The following CNTN5 variants were observed in gnomAD, a reference collection of about 807,000 sequenced individuals.
CNTN5 encodes the protein contactin 5, also known as contactin-5.
CNTN5 carries 77 observed loss-of-function variants against 129.1 expected under a neutral mutation model. That is an observed-to-expected ratio of 0.60 (90% CI 0.50 to 0.72). CNTN5 has a LOEUF of 0.72. Ranked by LOEUF, CNTN5 falls within the 30% of genes least tolerant of loss-of-function variation. CNTN5 has a pLI of 0.00. For missense variants in CNTN5, 1,478 were observed against 1,328.8 expected, an observed-to-expected ratio of 1.11 and a Z score of -1.75; for synonymous variants, 509 against 465.6, an observed-to-expected ratio of 1.09 and a Z score of -1.20.
At chr11:99,894,486 T>A (rs890602396) in intron 6 of CNTN5, among the ~76,000 whole-genome samples, 1 of 123,538 alleles carries the variant, frequency 8.1e-6, no homozygotes, top group African/African-American at 3.1e-5. Context: ...AAAAAAAAAT[T>A]CCCAGTATAT....
intron 9 of CNTN5, among the ~76,000 whole-genome samples, chr11:100,017,461 T>C (rs1940889173): frequency 6.6e-6 from 1 of 151,996 alleles, no homozygotes; most frequent in Non-Finnish European, 1.5e-5. Flanking sequence ...TAGTGGTGTG[T>C]CTTAAAGTAG....
chr11:99,967,413 A>G (rs1250991222), intron 8 of CNTN5, among the ~76,000 whole-genome samples: 2 of 152,154 alleles, frequency 1.3e-5, no homozygotes, highest in South Asian at 4.1e-4. Context: ...GGTGAAGCAA[A>G]CGTAACTATC....
chr11:100,160,570 T>C (rs981756373), intron 13 of CNTN5, among the ~76,000 whole-genome samples: 2 of 151,914 alleles, frequency 1.3e-5, no homozygotes, highest in African/African-American at 2.4e-5. Flanking sequence ...ACAGAGATAC[T>C]AAATTTAGGA....
intron 3 of CNTN5, among the ~76,000 whole-genome samples, chr11:99,682,278 A>C (rs2134722363): frequency 6.6e-6 from 1 of 151,974 alleles, no homozygotes; most frequent in East Asian, 1.9e-4. Flanking sequence ...CTGGCAAAAT[A>C]AAGTATTCAA....
chr11:99,785,382 T>C (rs1945482062), intron 3 of CNTN5, among the ~76,000 whole-genome samples: 4 of 152,184 alleles, frequency 2.6e-5, no homozygotes. Context: ...TTTCTTTTGC[T>C]GTGCAGAAGC....
At chr11:100,046,656 A>T (rs1239815932) in intron 9 of CNTN5, among the ~76,000 whole-genome samples, 3 of 152,156 alleles carry the variant, frequency 2.0e-5, no homozygotes, top group Non-Finnish European at 4.4e-5. Flanking sequence ...TGTATTCATT[A>T]TTCTATTATC....
intron 3 of CNTN5, among the ~76,000 whole-genome samples, chr11:99,582,414 A>C (rs964977114): frequency 6.6e-6 from 1 of 152,198 alleles, no homozygotes; most frequent in Admixed American, 6.5e-5. Context: ...AATATCCTGC[A>C]GAGTGTTTTC....
At chr11:100,001,461 T>G (rs565168448) in intron 8 of CNTN5, among the ~76,000 whole-genome samples, 5 of 152,196 alleles carry the variant, frequency 3.3e-5, no homozygotes, top group Non-Finnish European at 4.4e-5. Context: ...ACTTAATACC[T>G]CATTCATGGC....
intron 1 of CNTN5, among the ~76,000 whole-genome samples, chr11:99,251,426 G>A (rs184155558): frequency 9.9e-5 from 15 of 151,860 alleles, no homozygotes; most frequent in Middle Eastern, 6.8e-3. Context: ...AGAAGAAATG[G>A]AGGTATCAAC....
chr11:99,315,178 A>C lies in CNTN5; in HGVS notation c.-209-10168A>C, dbSNP rs1317248174. On this transcript the variant is annotated intron_variant, in intron 1 of 24. Transcript: ENST00000524871. ...ATTTGGTCTGGCTAGTAGTTCACTG[A>C]GCATAAATAGTTCACTGAGCATAAG... Among the ~76,000 whole-genome samples the C allele has an allele frequency of 1.3e-5, 2 of 149,356 alleles. 1 individual carries two copies. The highest frequency in any genetic ancestry group is 3.0e-5 in the Non-Finnish European group (2 of 66,668).
At chr11:100,042,371 G>A (rs966758659) in intron 9 of CNTN5, among the ~76,000 whole-genome samples, 54 of 151,786 alleles carry the variant, frequency 3.6e-4, no homozygotes, top group African/African-American at 1.3e-3. Flanking sequence ...GATATACAAT[G>A]TTTCCTTTTT....
intron 1 of CNTN5, among the ~76,000 whole-genome samples, chr11:99,178,520 TA>T (rs892199322): frequency 6.6e-6 from 1 of 150,766 alleles, no homozygotes; most frequent in Non-Finnish European, 1.5e-5. Flanking sequence ...GACCTTGTCT[TA>T]AAAAAAAGAG....
chr11:100,162,804 G>A (rs747233503), intron 13 of CNTN5, among the ~76,000 whole-genome samples: 1 of 151,516 alleles, frequency 6.6e-6, no homozygotes, highest in Non-Finnish European at 1.5e-5. Flanking sequence ...TGAATATAAT[G>A]TATATTTCTT....
intron 8 of CNTN5, among the ~76,000 whole-genome samples, chr11:99,987,189 A>G (rs1388990020): frequency 6.6e-6 from 1 of 152,090 alleles, no homozygotes; most frequent in African/African-American, 2.4e-5. Flanking sequence ...AATTGTCATC[A>G]AATATTCTTG....
At chr11:99,803,120 C>A (rs960283716) in intron 3 of CNTN5, among the ~76,000 whole-genome samples, 1 of 152,128 alleles carries the variant, frequency 6.6e-6, no homozygotes, top group Admixed American at 6.5e-5. Context: ...GATCTGTGTC[C>A]AGAAAGGACG....
chr11:99,712,515 G>T (rs1955035490), intron 3 of CNTN5, among the ~76,000 whole-genome samples: 1 of 152,036 alleles, frequency 6.6e-6, no homozygotes, highest in African/African-American at 2.4e-5. Flanking sequence ...GGCTTTTGTT[G>T]TCATTGTTTT....
At chr11:99,678,542 A>G (rs1243673315) in intron 3 of CNTN5, among the ~76,000 whole-genome samples, 33 of 152,170 alleles carry the variant, frequency 2.2e-4, no homozygotes, top group Non-Finnish European at 4.4e-5. Flanking sequence ...AATGCCATGA[A>G]TTTCAAATTA....
chr11:99,921,715 ATTGC>A (rs1949944541), intron 7 of CNTN5, among the ~76,000 whole-genome samples: 1 of 152,140 alleles, frequency 6.6e-6, no homozygotes, highest in South Asian at 2.1e-4. Context: ...TTATTACCCC[ATTGC>A]CTAGGACAGA....
At chr11:100,292,653 G>C (rs1234575042) in intron 18 of CNTN5, among the ~76,000 whole-genome samples, 2 of 151,900 alleles carry the variant, frequency 1.3e-5, no homozygotes, top group African/African-American at 2.4e-5. Flanking sequence ...TCTATTGACA[G>C]CTGGGGTTGG....
Sources: allele counts gnomAD v4.1 joint callset (sites outside exome capture counted in the v4.1 genomes callset), GRCh38; gene constraint gnomAD v4.1.1; transcripts MANE v1.5; gene names NCBI Gene and HGNC (gene_info 2026-07-23, HGNC 2026-07-21).